Variants in TIGD4 observed in about 807,000 individuals in gnomAD.
TIGD4 encodes tigger transposable element derived 4, also known as tigger transposable element-derived protein 4.
TIGD4 carries 20 observed loss-of-function variants against 24.9 expected under a neutral mutation model. That is an observed-to-expected ratio of 0.80 (90% CI 0.56 to 1.17). The LOEUF (loss-of-function observed/expected upper bound fraction) is 1.17. Among genes scored for constraint, TIGD4 ranks in the 50% most tolerant of loss-of-function variants. TIGD4 has a pLI of 0.00. For missense variants in TIGD4, 566 were observed against 591.0 expected (o/e 0.96, Z 0.44); for synonymous variants, 193 against 211.0 (o/e 0.91, Z 0.74).
chr4:152,773,595 G>A (rs947101054), intron 1 of TIGD4, among the ~76,000 whole-genome samples: 4 of 143,286 alleles, frequency 2.8e-5, no homozygotes, highest in Non-Finnish European at 3.0e-5. Context: ...CCATAGTTAC[G>A]GATTCTATGC....
chr4:152,770,528 C>T lies in TIGD4; in HGVS notation c.477G>A (p.Ser159=), dbSNP rs141579935. 194 of 1,613,068 alleles carry T rather than the reference C, an allele frequency of 1.2e-4. No individual in the cohort carries two copies. Among genetic ancestry groups the T allele is most frequent in the Non-Finnish European group, 1.5e-4 (176 of 1,179,530 alleles). ...VEATGVPVDP[S]TVWYQNVLPY... is the part of the protein sequence containing the mutation. ...GAAGTACATTTTGGTACCAGACAGT[C>T]GAAGGGTCTACTGGTACACCTGTAG... Residue 159 remains serine, a synonymous_variant, in exon 2 of 2, where the codon TCG becomes TCA. Coordinates refer to ENST00000304337, the MANE Select transcript of TIGD4 (RefSeq NM_145720.4).
At chr4:152,777,792 C>G (rs1163046286) in intron 1 of TIGD4, among the ~76,000 whole-genome samples, 1 of 152,002 alleles carries the variant, frequency 6.6e-6, no homozygotes, top group Non-Finnish European at 1.5e-5. Context: ...ATTCCCCAAT[C>G]CAAAGAACGC....
At chr4:152,777,368 A>G (rs567497917) in intron 1 of TIGD4, among the ~76,000 whole-genome samples, 1 of 152,238 alleles carries the variant, frequency 6.6e-6, no homozygotes, top group Non-Finnish European at 1.5e-5. Context: ...TCTCCATGTC[A>G]TAAGTATATA....
intron 1 of TIGD4, among the ~76,000 whole-genome samples, chr4:152,772,551 C>CACAGTA (rs1730195160): frequency 2.0e-5 from 3 of 152,144 alleles, no homozygotes; most frequent in African/African-American, 7.2e-5. Context: ...GTATTTAGTA[C>CACAGTA]TTTAAGAAAG....
rs1405437842 is a variant in TIGD4 at position 152,771,205 on chromosome 4, G to A, written c.-201C>T. ...AAAGATCTGAAGAAAAATATTATAT[G>A]CAACTAGAATATTTTAGAAGAGAAA... is the stretch of plus-strand genomic sequence containing the variant. On this transcript the variant is annotated 5_prime_UTR_variant, in exon 2 of 2. Coordinates refer to ENST00000304337, the MANE Select transcript of TIGD4 (RefSeq NM_145720.4). 7.4e-6 allele frequency: 4 copies of A among 543,278 alleles called. No individual in the cohort carries two copies. Among genetic ancestry groups the A allele is most frequent in the Admixed American group, 3.9e-5 (1 of 25,874 alleles). 33.7% of individuals were successfully genotyped at this position (543,278 alleles called of 1,614,324 possible). A position where few individuals can be genotyped will look rare whatever the true frequency, so the allele number is the denominator to read the frequency against.
intron 1 of TIGD4, among the ~76,000 whole-genome samples, chr4:152,777,590 G>A (rs1358875228): frequency 7.0e-6 from 1 of 143,734 alleles, no homozygotes; most frequent in Admixed American, 6.9e-5. Flanking sequence ...GGAAGGAAGG[G>A]AGGGAGGGAG....
chr4:152,770,009 G>C lies in TIGD4; in HGVS notation c.996C>G (p.His332Gln), dbSNP rs749038425. 6.2e-7 allele frequency: 1 copy of C among 1,610,250 alleles called. No homozygotes were observed. Among genetic ancestry groups the C allele is most frequent in the South Asian group, 1.1e-5 (1 of 90,700 alleles). ...VIKSLKIKYR[H>Q]CLIKKFLSSV... ...AGCTTAAAAATTTCTTGATAAGACA[G>C]TGTCGATATTTGATTTTAAGGCTTT... The change falls in exon 2 of 2, where the codon CAC becomes CAG. Residue 332 changes from histidine (H) to glutamine (Q), a missense_variant. Physicochemically the swap from His to Gln is conservative, Grantham distance 24. Transcript: ENST00000304337.
In TIGD4 at chr4:152,770,923, C is replaced by T. The variant is rs200034910; in HGVS notation, c.82G>A (p.Asp28Asn). 63 of 1,613,854 alleles carry T rather than the reference C, an allele frequency of 3.9e-5. No individual in the cohort carries two copies. The highest frequency in any genetic ancestry group is 1.1e-4 in the East Asian group (5 of 44,872). ...KKSLSIEEKI[D>N]IINAVESGKK... ...CCACTTTCCACTGCATTTATGATGT[C>T]GATCTTTTCCTCAATGGATAGGCTT... The change falls in exon 2 of 2, where the codon GAC becomes AAC. Residue 28 changes from aspartate (D) to asparagine (N), a missense_variant. By Grantham distance (23) the Asp-to-Asn change is conservative (BLOSUM62 1). Coordinates refer to ENST00000304337, the MANE Select transcript of TIGD4 (RefSeq NM_145720.4).
At position 152,771,128 on chromosome 4, in the gene TIGD4, G is replaced by A; in HGVS notation, c.-124C>T. 3 of 1,216,588 alleles carry A rather than the reference G, an allele frequency of 2.5e-6. No homozygotes were observed. Among genetic ancestry groups the A allele is most frequent in the Non-Finnish European group, 3.3e-6 (3 of 917,190 alleles). The allele number at this position is 1,216,588 out of a possible 1,614,324, so 75.4% of individuals were successfully genotyped here. On this transcript the variant is annotated 5_prime_UTR_variant, in exon 2 of 2. Transcript: ENST00000304337. The stretch of plus-strand genomic sequence containing the variant: ...TATCCTACTTTATACACTAAAAGTT[G>A]GTGTCTAATAGTCTTATTTTGTAGG...
chr4:152,774,642 T>G (rs752220653), intron 1 of TIGD4, among the ~76,000 whole-genome samples: 3 of 152,152 alleles, frequency 2.0e-5, no homozygotes, highest in Non-Finnish European at 4.4e-5. Flanking sequence ...AATAAGAATA[T>G]GCAAATCATC....
Position 152,769,929 on chromosome 4 carries a change from A to G in TIGD4, c.1076T>C (p.Leu359Ser). ...GGTTACAGCCCTCCAGCAAAGATGC[A>G]ATGTATCAACTGCATCTAGTAGTGA... is the stretch of plus-strand genomic sequence containing the variant. ...TFSLLDAVDT[L>S]HLCWRAVTPE... Residue 359 changes from leucine (L) to serine (S), a missense_variant, in exon 2 of 2, where the codon TTG becomes TCG. Transcript: ENST00000304337. 3 of 1,613,718 alleles carry G rather than the reference A, an allele frequency of 1.9e-6. No individual in the cohort carries two copies. The highest frequency in any genetic ancestry group is 1.7e-5 in the Admixed American group (1 of 60,016).
rs1730149562 is a variant in TIGD4 at position 152,770,520 on chromosome 4, C to G, written c.485G>C (p.Trp162Ser). The G allele has an allele frequency of 6.2e-7, 1 of 1,612,638 alleles. No homozygotes were observed. Among genetic ancestry groups the G allele is most frequent in the Non-Finnish European group, 8.5e-7 (1 of 1,179,440 alleles). ...TGVPVDPSTV[W>S]YQNVLPYYLN... ...ATAATAAGGAAGTACATTTTGGTAC[C>G]AGACAGTCGAAGGGTCTACTGGTAC... The change falls in exon 2 of 2, where the codon TGG becomes TCG. Residue 162 changes from tryptophan to serine, a missense_variant. Coordinates refer to ENST00000304337, the MANE Select transcript of TIGD4 (RefSeq NM_145720.4).
rs145577481 is a variant in TIGD4, at chr4:152,770,788, C to A, written c.217G>T (p.Asp73Tyr). The change falls in exon 2 of 2, where the codon GAT becomes TAT. Residue 73 changes from aspartate to tyrosine, a missense_variant. Asp to Tyr is a radical substitution (Grantham distance 160). Transcript: ENST00000304337. Reference sequence around the variant, plus strand: ...GTTCTCAGTCTTTTTCTCTTTGGATCAAATCTTAGAGATTCAAAGGCTTCT... The same window carrying A: ...GTTCTCAGTCTTTTTCTCTTTGGATAAAATCTTAGAGATTCAAAGGCTTCT... ...VLEAFESLRF[D>Y]PKRKRLRTAF... 96 of 1,611,250 alleles carry A rather than the reference C, an allele frequency of 6.0e-5. 1 individual carries two copies. In the Admixed American group the frequency reaches 9.4e-4, roughly 16 times the overall value.
Position 152,770,155 on chromosome 4 carries a change from C to T in TIGD4, c.850G>A (p.Val284Met), listed in dbSNP as rs1730139207. ...EEFQAQQRRV[V>M]IFVESFPAHP... ...GCTGGAAAAGACTCAACAAAAATCA[C>T]CACTCTTCGTTGCTGGGCTTGAAAT... Residue 284 changes from valine to methionine, a missense_variant, in exon 2 of 2, where the codon GTG (valine) becomes ATG (methionine). Val to Met is a conservative substitution (Grantham distance 21). Coordinates refer to ENST00000304337, the MANE Select transcript of TIGD4 (RefSeq NM_145720.4). 1 of 1,613,958 alleles carries T rather than the reference C, an allele frequency of 6.2e-7. No individual in the cohort carries two copies. Among genetic ancestry groups the T allele is most frequent in the South Asian group, 1.1e-5 (1 of 91,072 alleles).
rs745868718 is a variant in TIGD4, at chr4:152,769,611, G to A, written c.1394C>T (p.Thr465Ile). 1.9e-6 allele frequency: 3 copies of A among 1,613,674 alleles called. No homozygotes were observed. Among genetic ancestry groups the A allele is most frequent in the Non-Finnish European group, 2.5e-6 (3 of 1,179,802 alleles). ...DEEDDDGSPG[T>I]ELPLPSKSEA... The stretch of plus-strand genomic sequence containing the variant: ...AGATTTTGATGGTAAAGGGAGTTCA[G>A]TTCCTGGAGATCCATCATCATCCTC... The change falls in exon 2 of 2, where the codon ACT becomes ATT. Residue 465 changes from threonine to isoleucine, a missense_variant. Thr to Ile is a moderately conservative substitution (Grantham distance 89). Coordinates refer to ENST00000304337, the MANE Select transcript of TIGD4 (RefSeq NM_145720.4).
intron 1 of TIGD4, among the ~76,000 whole-genome samples, chr4:152,772,384 G>A (rs957701466): frequency 6.6e-6 from 1 of 151,542 alleles, no homozygotes; most frequent in Non-Finnish European, 1.5e-5. Flanking sequence ...GAATTGAGAA[G>A]TGACTCTGCT....
Position 152,771,054 on chromosome 4 carries a change from GTTTC to G in TIGD4, c.-54_-51del, listed in dbSNP as rs777195511. 55 of 1,526,554 alleles carry G rather than the reference GTTTC, an allele frequency of 3.6e-5. No individual in the cohort carries two copies. Among genetic ancestry groups the G allele is most frequent in the Admixed American group, 1.2e-4 (5 of 42,286 alleles). The allele number at this position is 1,526,554 out of a possible 1,614,324, so 94.6% of individuals were successfully genotyped here. On this transcript the variant is annotated 5_prime_UTR_variant, in exon 2 of 2. Transcript: ENST00000304337. ...TACTCTTCTTAACTTCCTGGTGACT[GTTTC>G]TTTAATTAAATTTGTTTTCCAGTAT...
At position 152,770,146 on chromosome 4, in the gene TIGD4, C is replaced by T. The variant is rs374144236; in HGVS notation, c.859G>A (p.Val287Ile). 25 of 1,613,866 alleles carry T rather than the reference C, an allele frequency of 1.5e-5. No individual in the cohort carries two copies. Among genetic ancestry groups the T allele is most frequent in the Non-Finnish European group, 2.0e-5 (24 of 1,179,936 alleles). The change falls in exon 2 of 2, where the codon GTT becomes ATT. Residue 287 changes from valine (V) to isoleucine (I), a missense_variant. By Grantham distance (29) the Val-to-Ile change is conservative. Coordinates refer to ENST00000304337, the MANE Select transcript of TIGD4 (RefSeq NM_145720.4). ...TCTGGATGTGCTGGAAAAGACTCAA[C>T]AAAAATCACCACTCTTCGTTGCTGG... ...QAQQRRVVIF[V>I]ESFPAHPEVK...
chr4:152,773,640 C>G (rs1404721773), intron 1 of TIGD4, among the ~76,000 whole-genome samples: 1 of 103,088 alleles, frequency 9.7e-6, no homozygotes, highest in Admixed American at 1.2e-4. Flanking sequence ...TTTCCAATGC[C>G]TTAAAAAAAA....
Sources: allele counts gnomAD v4.1 joint callset (sites outside exome capture counted in the v4.1 genomes callset), GRCh38; gene constraint gnomAD v4.1.1; transcripts MANE v1.5; gene names NCBI Gene and HGNC (gene_info 2026-07-23, HGNC 2026-07-21).